Variants in ABCC4 observed in about 807,000 individuals in gnomAD.
ABCC4 encodes ATP-binding cassette sub-family C member 4.
A neutral mutation model predicts 168.5 loss-of-function variants in ABCC4; 102 were observed. The ratio of observed to expected loss-of-function variants is 0.61; its 90% confidence interval spans 0.52 to 0.71. The LOEUF is 0.71. Ranked by LOEUF, ABCC4 falls within the 30% of genes least tolerant of loss-of-function variation. ABCC4 has a pLI of 0.00. For missense variants in ABCC4, 1,402 were observed against 1,605.8 expected, an observed-to-expected ratio of 0.87 and a Z score of 2.17; for synonymous variants, 617 against 590.7, an observed-to-expected ratio of 1.04 and a Z score of -0.65.
At chr13:95,064,245 G>GGTGT (rs530317662) in intron 25 of ABCC4, among the ~76,000 whole-genome samples, 1 of 42,888 alleles carries the variant, frequency 2.3e-5, no homozygotes, top group African/African-American at 1.1e-4. Context: ...GGTACATCCG[G>GGTGT]GTGTGTGTGT....
chr13:95,159,529 G>A (rs542196855), intron 19 of ABCC4, among the ~76,000 whole-genome samples: 2 of 152,168 alleles, frequency 1.3e-5, no homozygotes, highest in Non-Finnish European at 2.9e-5. Flanking sequence ...AAGCCCACAG[G>A]TCTCAAACAT....
chr13:95,051,839 G>A (rs1454476494), intron 27 of ABCC4, among the ~76,000 whole-genome samples: 1 of 151,724 alleles, frequency 6.6e-6, no homozygotes, highest in African/African-American at 2.4e-5. Context: ...GCTAATTTTG[G>A]TATTTTTAGT....
chr13:95,122,300 C>T (rs1166853874), intron 19 of ABCC4, among the ~76,000 whole-genome samples: 3 of 152,184 alleles, frequency 2.0e-5, no homozygotes, highest in East Asian at 1.9e-4. Flanking sequence ...AAACATCTTA[C>T]GCGTATCTAA....
Position 95,196,590 on chromosome 13 carries a change from A to AGGAAAGG in ABCC4, c.1162-1654_1162-1653insCCTTTCC, listed in dbSNP as rs1566515268. 1.1e-3 allele frequency among the ~76,000 whole-genome samples: 10 copies of AGGAAAGG among 9,300 alleles called. No homozygotes were observed. In the East Asian group the frequency reaches 0.024, roughly 22 times the overall value. 6.1% of individuals were successfully genotyped at this position (9,300 alleles called of 152,430 possible). On this transcript the variant is annotated intron_variant, in intron 8 of 30. Transcript: ENST00000645237. Reference sequence around the variant, plus strand: ...GGAGGAAAGGAGGAAAGGAGGAAGGAAGGAAGGAAGGAAGGAAGGAAGGAA... The same window carrying AGGAAAGG: ...GGAGGAAAGGAGGAAAGGAGGAAGGAGGAAAGGAGGAAGGAAGGAAGGAAGGAAGGAA...
chr13:95,267,674 G>C (rs1006083490), intron 1 of ABCC4, among the ~76,000 whole-genome samples: 4 of 152,152 alleles, frequency 2.6e-5, no homozygotes, highest in African/African-American at 9.7e-5. Flanking sequence ...TAAATCCTTG[G>C]AATGCTCCAA....
intron 1 of ABCC4, among the ~76,000 whole-genome samples, 169 bp downstream of exon 1, chr13:95,301,072 G>T (rs1261636524): frequency 6.6e-6 from 1 of 152,072 alleles, no homozygotes; most frequent in Non-Finnish European, 1.5e-5. Flanking sequence ...CCGGCGTGGG[G>T]GCGGCGCCAC....
chr13:95,125,739 G>T (rs1039749504), intron 19 of ABCC4, among the ~76,000 whole-genome samples: 1 of 152,202 alleles, frequency 6.6e-6, no homozygotes, highest in African/African-American at 2.4e-5. Flanking sequence ...ATTGCCTCGG[G>T]AAACCATTTT....
intron 1 of ABCC4, among the ~76,000 whole-genome samples, chr13:95,273,018 GAAAAC>G (rs1426903949): frequency 6.6e-6 from 1 of 152,086 alleles, no homozygotes; most frequent in Non-Finnish European, 1.5e-5. Context: ...TGACAAGAAA[GAAAAC>G]AAACAGATAT....
At chr13:95,071,639 G>A in intron 25 of ABCC4, 23 bp downstream of exon 25, 1 of 1,395,164 alleles carries the variant, frequency 7.2e-7, no homozygotes, top group Non-Finnish European at 9.4e-7. Context: ...AAATTGAGAA[G>A]AGGCAAGATG....
At chr13:95,271,881 A>G (rs2040856867) in intron 1 of ABCC4, among the ~76,000 whole-genome samples, 1 of 152,188 alleles carries the variant, frequency 6.6e-6, no homozygotes, top group Admixed American at 6.5e-5. Context: ...TAACCACCCA[A>G]GAAGTCTGAT....
chr13:95,074,180 C>T (rs1394844234), intron 23 of ABCC4, 34 bp downstream of exon 23: 1 of 1,485,416 alleles, frequency 6.7e-7, no homozygotes. Context: ...AAATTGTAAT[C>T]ATACCATACA....
At chr13:95,146,578 T>A (rs2036502300) in intron 19 of ABCC4, among the ~76,000 whole-genome samples, 2 of 152,162 alleles carry the variant, frequency 1.3e-5, no homozygotes, top group Admixed American at 1.3e-4. Context: ...TAATTTTCAA[T>A]TACAGGCATC....
At chr13:95,166,525 C>A (rs534470625) in intron 14 of ABCC4, among the ~76,000 whole-genome samples, 158 bp from the exon 15 acceptor site, 2 of 152,164 alleles carry the variant, frequency 1.3e-5, no homozygotes, top group Non-Finnish European at 2.9e-5. Context: ...ACTTGATACA[C>A]AACTGAGTGT....
chr13:95,301,234 C>T lies in ABCC4; in HGVS notation c.74+7G>A. 1 of 1,582,312 alleles carries T rather than the reference C, an allele frequency of 6.3e-7. No homozygotes were observed. Among genetic ancestry groups the T allele is most frequent in the Non-Finnish European group, 8.6e-7 (1 of 1,165,456 alleles). ...CAGGGTGACCTGTTTCGGGCGGGGA[C>T]ACTCACCAGAAGAACACGCGTGAGC... On this transcript the variant is annotated splice_region_variant and intron_variant, in intron 1 of 30. Transcript: ENST00000645237.
At chr13:95,022,039 A>T (rs2031116989) in intron 30 of ABCC4, among the ~76,000 whole-genome samples, 1 of 152,238 alleles carries the variant, frequency 6.6e-6, no homozygotes, top group African/African-American at 2.4e-5. Context: ...TAGCGTCTGC[A>T]TGAGGGTTTC....
intron 1 of ABCC4, among the ~76,000 whole-genome samples, chr13:95,260,203 C>T (rs1253077769): frequency 1.3e-5 from 2 of 152,188 alleles, no homozygotes; most frequent in African/African-American, 2.4e-5. Flanking sequence ...CTGACATATA[C>T]GCCAATACTC....
rs79032891 is a variant in ABCC4 at position 95,187,259 on chromosome 13, C to T, written c.1354-367G>A. ...TCCAATACTGAATGCATTGTTCCTG[C>T]ATGCGGGTATCTTTTTTGACAAAGA... On this transcript the variant is annotated intron_variant, in intron 10 of 30. Transcript: ENST00000645237. Among the ~76,000 whole-genome samples, 358 of 152,326 alleles carry T rather than the reference C, an allele frequency of 2.4e-3. 1 individual carries two copies. Among genetic ancestry groups the T allele is most frequent in the Non-Finnish European group, 4.2e-3 (289 of 68,036 alleles).
chr13:95,062,688 G>T lies in ABCC4; in HGVS notation c.3366+16C>A, dbSNP rs11568656. ...TCTTATAAAAGGGGCAGGTAAGGAC[G>T]CTATGACTTGCATACCTGAGGTATG... On this transcript the variant is annotated intron_variant, in intron 26 of 30. Transcript: ENST00000645237. 195,302 of 1,609,482 alleles carry T rather than the reference G, an allele frequency of 0.12. 13,595 individuals carry two copies. Among genetic ancestry groups the T allele is most frequent in the Admixed American group, 0.18 (10,580 of 59,742 alleles).
In ABCC4 at chr13:95,083,291, C is replaced by T; in HGVS notation, c.2536-1G>A. ...CCACACCAACCACTTGTAGCAATGT[C>T]TGAAATAGCAGAAGTAGATGCAGGT... is the stretch of plus-strand genomic sequence containing the variant. On this transcript the variant is annotated splice_acceptor_variant, in intron 20 of 30. Transcript: ENST00000645237. LOFTEE classifies it high-confidence loss of function. The T allele has an allele frequency of 6.2e-7, 1 of 1,612,260 alleles. No homozygotes were observed. Among genetic ancestry groups the T allele is most frequent in the African/African-American group, 1.3e-5 (1 of 74,830 alleles).
Sources: allele counts gnomAD v4.1 joint callset (sites outside exome capture counted in the v4.1 genomes callset), GRCh38; gene constraint gnomAD v4.1.1; transcripts MANE v1.5; gene names NCBI Gene and HGNC (gene_info 2026-07-23, HGNC 2026-07-21).